COL6A1: variants seen among roughly 807,000 people sequenced by gnomAD.
The protein encoded by COL6A1 is collagen alpha-1(VI) chain.
In COL6A1, 80 loss-of-function variants were observed where a neutral mutation model predicts 145.6. The observed-to-expected ratio is 0.55, with a 90% CI of 0.46 to 0.66. The LOEUF is 0.66. Among genes scored for constraint, COL6A1 ranks in the 30% least tolerant of loss-of-function variants. COL6A1 has a pLI of 0.00. For synonymous variants in COL6A1, 638 were observed against 622.8 expected (o/e 1.02, Z -0.36); for missense variants, 1,364 against 1,473.8 (o/e 0.93, Z 1.22).
intron 33 of COL6A1, 99 bp from the exon 34 acceptor site, chr21:46,003,021 C>T (rs1008712457): frequency 3.2e-6 from 5 of 1,570,014 alleles, no homozygotes; most frequent in Admixed American, 1.7e-5. Context: ...TCCGGGGGCA[C>T]GGCCACCCCT....
rs377140588 is a variant in COL6A1, at chr21:45,984,428, C to T, written c.387C>T (p.Thr129=). 28 of 1,612,142 alleles carry T rather than the reference C, an allele frequency of 1.7e-5. 1 individual carries two copies. The highest frequency in any genetic ancestry group is 6.7e-5 in the East Asian group (3 of 44,880). Residue 129 remains threonine, a synonymous_variant, in exon 3 of 35, where the codon ACC becomes ACT. Coordinates refer to ENST00000361866, the MANE Select transcript of COL6A1 (RefSeq NM_001848.3). Reference sequence around the variant, plus strand: ...AGTACTTTGGGAAGGGCACCTACACCGACTGCGCTATCAAGAAGGGGCTGG... The same window carrying T: ...AGTACTTTGGGAAGGGCACCTACACTGACTGCGCTATCAAGAAGGGGCTGG... The part of the protein sequence containing the change: ...AVKYFGKGTY[T]DCAIKKGLEQ...
intron 9 of COL6A1, among the ~76,000 whole-genome samples, chr21:45,989,372 T>C (rs1179755762): frequency 1.3e-5 from 2 of 152,084 alleles, no homozygotes; most frequent in Non-Finnish European, 2.9e-5. Flanking sequence ...TGGCCCAGGG[T>C]GCTCAGGCCG....
chr21:46,000,304 C>T (rs751749881), intron 27 of COL6A1, 27 bp from the exon 28 acceptor site: 1 of 1,613,804 alleles, frequency 6.2e-7, no homozygotes, highest in Non-Finnish European at 8.5e-7. Flanking sequence ...GTCTATGGCC[C>T]CAGTACCCTC....
chr21:45,985,820 C>T (rs1304118215), intron 3 of COL6A1, among the ~76,000 whole-genome samples: 2 of 152,238 alleles, frequency 1.3e-5, no homozygotes, highest in Non-Finnish European at 2.9e-5. Flanking sequence ...GCCCACTTCC[C>T]TCCAGAGTTG....
chr21:46,001,144 C>A, intron 29 of COL6A1, 109 bp from the exon 30 acceptor site: 2 of 1,456,256 alleles, frequency 1.4e-6, no homozygotes, highest in Non-Finnish European at 1.9e-6. Context: ...GGGACCCCAA[C>A]GTGTCAGGTG....
intron 20 of COL6A1, among the ~76,000 whole-genome samples, chr21:45,995,932 G>A (rs983017187): frequency 5.7e-5 from 7 of 123,296 alleles, no homozygotes; most frequent in Admixed American, 7.8e-5. Flanking sequence ...CTGGCCTTCC[G>A]GGCTTTCCCT....
intron 29 of COL6A1, 40 bp from the exon 30 acceptor site, chr21:46,001,213 G>A (rs760304723): frequency 1.9e-6 from 3 of 1,591,620 alleles, no homozygotes; most frequent in Non-Finnish European, 2.6e-6. Context: ...GGGCACTGGA[G>A]GGGAGGGGCG....
At chr21:45,991,301 C>T (rs892033442) in intron 15 of COL6A1, among the ~76,000 whole-genome samples, 54 of 152,228 alleles carry the variant, frequency 3.5e-4, no homozygotes, top group Non-Finnish European at 2.2e-4. Context: ...TTCTGTCCCC[C>T]GCACCTGCCG....
rs764188409 is a variant in COL6A1, at chr21:45,999,691, A to G, written c.1775A>G (p.Asp592Gly). The change falls in exon 27 of 35, where the codon GAC (aspartate) becomes GGC (glycine). Residue 592 changes from aspartate to glycine, a missense_variant and splice_region_variant. Asp to Gly is a moderately conservative substitution (Grantham distance 94). This residue lies in a region of COL6A1 where 938 missense variants were observed against 1,003.8 expected (regional missense o/e 0.93). Coordinates refer to ENST00000361866, the MANE Select transcript of COL6A1 (RefSeq NM_001848.3). ...PPGHQGPPGP[D>G]ECEILDIIMK... is the part of the protein sequence containing the mutation. ...GGACACCAAGGACCGCCTGGGCCGGACGTAAGTGGGGCTCTGTGAACATTG... is the reference window on the plus strand; with the variant it reads ...GGACACCAAGGACCGCCTGGGCCGGGCGTAAGTGGGGCTCTGTGAACATTG... 7 of 1,612,602 alleles carry G rather than the reference A, an allele frequency of 4.3e-6. No homozygotes were observed.
rs886042400 is a variant in COL6A1 at position 46,004,021 on chromosome 21, T to C, written c.*8T>C. ...AAGGTGGCGCTGGGCTAGCCCACCC[T>C]GCACGCCGGCACCAAACCCTGTCCT... On this transcript the variant is annotated 3_prime_UTR_variant, in exon 35 of 35. Transcript: ENST00000361866. The C allele has an allele frequency of 6.2e-7, 1 of 1,613,008 alleles. No individual in the cohort carries two copies. Among genetic ancestry groups the C allele is most frequent in the South Asian group, 1.1e-5 (1 of 91,086 alleles).
intron 6 of COL6A1, 140 bp downstream of exon 6, chr21:45,987,315 G>T: frequency 6.7e-7 from 1 of 1,503,718 alleles, no homozygotes; most frequent in Non-Finnish European, 9.1e-7. Flanking sequence ...CTGCCCGTGT[G>T]CCCGGGATGT....
At chr21:46,000,996 G>T (rs1379480110) in intron 29 of COL6A1, 1 of 706,858 alleles carries the variant, frequency 1.4e-6, no homozygotes, top group Non-Finnish European at 2.4e-6. Context: ...GCAGGCTTGG[G>T]GGGGTCCCTG....
rs1484075126 is a variant in COL6A1, at chr21:45,994,447, G to A, written c.1398+218G>A. On this transcript the variant is annotated intron_variant, in intron 20 of 34. Coordinates refer to ENST00000361866, the MANE Select transcript of COL6A1 (RefSeq NM_001848.3). This position sits in a 1 kb window ranked among gnomAD's most constrained non-coding sequence, Gnocchi z 6.8. ...ATTGTTGAGAGCAGGCCCAGCGCCC[G>A]GGGGCCTGACGCTGAGACGCTCAGC... Among the ~76,000 whole-genome samples, 2 of 152,028 alleles carry A rather than the reference G, an allele frequency of 1.3e-5. No homozygotes were observed. The highest frequency in any genetic ancestry group is 2.4e-5 in the African/African-American group (1 of 41,384).
Position 46,000,745 on chromosome 21 carries a change from T to C in COL6A1, c.1814-14T>C. ...GCCCTGACTGGTCTAACTGACTCTT[T>C]CTCTTCTCCTCAGCTTGCTGTGGTG... is the stretch of plus-strand genomic sequence containing the variant. On this transcript the variant is annotated splice_polypyrimidine_tract_variant and intron_variant, in intron 28 of 34. Coordinates refer to ENST00000361866, the MANE Select transcript of COL6A1 (RefSeq NM_001848.3). The C allele has an allele frequency of 6.2e-7, 1 of 1,613,932 alleles. No individual in the cohort carries two copies. Among genetic ancestry groups the C allele is most frequent in the Non-Finnish European group, 8.5e-7 (1 of 1,179,900 alleles).
At chr21:45,990,489 GAGTGGACGGCGTGAA>G in intron 13 of COL6A1, 67 bp downstream of exon 13, 6 of 1,081,450 alleles carry the variant, frequency 5.5e-6, no homozygotes, top group Non-Finnish European at 7.2e-6. Flanking sequence ...GGGAGGGACG[GAGTGGACGGCGTGAA>G]GGTGACCCGG....
chr21:45,998,334 C>T lies in COL6A1; in HGVS notation c.1576-64C>T, dbSNP rs1198037249. On this transcript the variant is annotated intron_variant, in intron 23 of 34. Coordinates refer to ENST00000361866, the MANE Select transcript of COL6A1 (RefSeq NM_001848.3). ...TGTCAGCTCAGGCCCTTCCGCTGTG[C>T]GCCCCTCACAGCCTCCCCTCTCAAA... 28 of 1,598,378 alleles carry T rather than the reference C, an allele frequency of 1.8e-5. No individual in the cohort carries two copies. In the Middle Eastern group the frequency reaches 5.1e-4, roughly 29 times the overall value.
At chr21:46,000,189 C>T in intron 27 of COL6A1, 142 bp from the exon 28 acceptor site, 2 of 900,672 alleles carry the variant, frequency 2.2e-6, no homozygotes, top group Non-Finnish European at 3.7e-6. Flanking sequence ...GTGGGCAGAG[C>T]CGGGCACACC....
At chr21:46,000,019 TGGGGGACCCGTGTGAGGATCATGG>T (rs1351470999) in intron 27 of COL6A1, among the ~76,000 whole-genome samples, 18 of 24,810 alleles carry the variant, frequency 7.3e-4, no homozygotes, top group East Asian at 2.9e-3. Flanking sequence ...GTGAGGATCA[TGGGGGACCCGTGTGAGGATCATGG>T]GGGGGGACGT....
chr21:45,987,722 C>T, intron 8 of COL6A1, 68 bp downstream of exon 8: 3 of 1,528,016 alleles, frequency 2.0e-6, no homozygotes, highest in Non-Finnish European at 1.8e-6. Flanking sequence ...GGACCAAAGC[C>T]TCCTGGGCAC....
Sources: gnomAD v4.1 joint callset for allele counts (sites outside exome capture counted in the v4.1 genomes callset) on GRCh38, gnomAD v4.1.1 for gene constraint, gnomAD v4.1.1 regional missense constraint, Gnocchi (gnomAD v3.1) non-coding constraint, MANE v1.5 for transcripts, NCBI Gene and HGNC (gene_info 2026-07-23, HGNC 2026-07-21) for gene names.